The following DYNC1I1 variants were observed in gnomAD, a reference collection of about 807,000 sequenced individuals.
DYNC1I1 encodes the protein dynein cytoplasmic 1 intermediate chain 1.
A neutral mutation model predicts 86.6 loss-of-function variants in DYNC1I1; 43 were observed. The observed-to-expected ratio is 0.50, with a 90% confidence interval of 0.39 to 0.64. DYNC1I1 has a LOEUF of 0.64. DYNC1I1 is among the 30% of genes least tolerant of loss of function. DYNC1I1 has a pLI of 0.00. For missense variants in DYNC1I1, 604 were observed against 788.8 expected (o/e 0.77, Z 2.81); for synonymous variants, 262 against 283.7 (o/e 0.92, Z 0.77).
Position 95,936,786 on chromosome 7 carries a change from T to C in DYNC1I1, c.491-40726T>C, listed in dbSNP as rs138907918. 5.6e-3 allele frequency among the ~76,000 whole-genome samples: 853 copies of C among 151,986 alleles called. 16 individuals carry two copies. The highest frequency in any genetic ancestry group is 0.02 in the African/African-American group (826 of 41,502). ...AATGTGAATGTCTACTAAAAGGGAA[T>C]GTCATTTTTTAAAGTGTGTATGGAA... On this transcript the variant is annotated intron_variant, in intron 6 of 16. Transcript: ENST00000447467.
At chr7:95,861,061 C>G (rs1339047619) in intron 5 of DYNC1I1, among the ~76,000 whole-genome samples, 1 of 152,110 alleles carries the variant, frequency 6.6e-6, no homozygotes, top group Non-Finnish European at 1.5e-5. Context: ...CATTCCTGCT[C>G]TAGAAACTGC....
intron 5 of DYNC1I1, among the ~76,000 whole-genome samples, chr7:95,835,943 C>T (rs1246780660): frequency 6.6e-6 from 1 of 152,152 alleles, no homozygotes; most frequent in Non-Finnish European, 1.5e-5. Context: ...CAGTCTGTAT[C>T]TTTTAATTGG....
intron 5 of DYNC1I1, among the ~76,000 whole-genome samples, chr7:95,868,019 G>T (rs1391876023): frequency 1.3e-5 from 2 of 152,138 alleles, no homozygotes; most frequent in East Asian, 1.9e-4. Context: ...CCCTCATTTG[G>T]TGATTTTGTT....
chr7:96,075,661 G>T (rs972463810), intron 14 of DYNC1I1, among the ~76,000 whole-genome samples: 2 of 152,180 alleles, frequency 1.3e-5, no homozygotes, highest in Admixed American at 6.5e-5. Flanking sequence ...CGGGACCGCC[G>T]GGGCTTCAGA....
At chr7:95,896,584 G>A (rs774426056) in intron 6 of DYNC1I1, among the ~76,000 whole-genome samples, 12 of 152,152 alleles carry the variant, frequency 7.9e-5, no homozygotes, top group Admixed American at 7.2e-4. Context: ...TAAACATTTA[G>A]AATTGGTTTC....
At chr7:96,086,764 TG>T (rs1272987557) in intron 16 of DYNC1I1, among the ~76,000 whole-genome samples, 1 of 152,188 alleles carries the variant, frequency 6.6e-6, no homozygotes, top group African/African-American at 2.4e-5. Flanking sequence ...AAGTAAAACA[TG>T]ATTTTAAATG....
At chr7:95,937,214 G>A (rs1004539599) in intron 6 of DYNC1I1, among the ~76,000 whole-genome samples, 7 of 152,092 alleles carry the variant, frequency 4.6e-5, no homozygotes, top group East Asian at 3.9e-4. Context: ...TTTCAGTTAC[G>A]TAGGGTGGAT....
chr7:95,939,745 T>G (rs1792150329), intron 6 of DYNC1I1, among the ~76,000 whole-genome samples: 1 of 151,962 alleles, frequency 6.6e-6, no homozygotes, highest in African/African-American at 2.4e-5. Context: ...TCTTGACTCT[T>G]TATCCAATTT....
At chr7:96,013,198 G>C (rs914844483) in intron 10 of DYNC1I1, among the ~76,000 whole-genome samples, 1 of 152,116 alleles carries the variant, frequency 6.6e-6, no homozygotes, top group Non-Finnish European at 1.5e-5. Context: ...GATGGAAGCA[G>C]AATCAGAAGG....
chr7:95,975,698 G>T (rs1340748823), intron 6 of DYNC1I1, among the ~76,000 whole-genome samples: 5 of 152,154 alleles, frequency 3.3e-5, no homozygotes, highest in African/African-American at 1.2e-4. Flanking sequence ...TATCACCTTT[G>T]TTTTTTGTTG....
chr7:96,049,963 G>A (rs1192334906), intron 14 of DYNC1I1, among the ~76,000 whole-genome samples: 4 of 151,302 alleles, frequency 2.6e-5, no homozygotes, highest in Non-Finnish European at 4.4e-5. Flanking sequence ...AACCTGGAGG[G>A]CACAGGTTGC....
At chr7:95,817,663 C>A (rs566564070) in intron 4 of DYNC1I1, among the ~76,000 whole-genome samples, 2 of 152,110 alleles carry the variant, frequency 1.3e-5, no homozygotes, top group Admixed American at 6.5e-5. Flanking sequence ...TCTTTATCCA[C>A]GTAATTACAT....
chr7:95,877,852 G>A (rs1247833173), intron 6 of DYNC1I1, among the ~76,000 whole-genome samples: 3 of 152,170 alleles, frequency 2.0e-5, no homozygotes, highest in African/African-American at 7.2e-5. Context: ...AACAATTATG[G>A]AACTCAATGG....
chr7:96,035,680 C>T lies in DYNC1I1; in HGVS notation c.1292C>T (p.Pro431Leu), dbSNP rs1367770806. 1.2e-6 allele frequency: 2 copies of T among 1,611,572 alleles called. No homozygotes were observed. Among genetic ancestry groups the T allele is most frequent in the Non-Finnish European group, 1.7e-6 (2 of 1,178,968 alleles). ...KPVAVTGMAFPTGDVNNFVVG... is the reference protein window; with the variant it reads ...KPVAVTGMAFLTGDVNNFVVG... Reference sequence around the variant, plus strand: ...GTCGCTGTTACCGGAATGGCTTTCCCAACGGGAGACGTCAATAACTTCGTG... The same window carrying T: ...GTCGCTGTTACCGGAATGGCTTTCCTAACGGGAGACGTCAATAACTTCGTG... Residue 431 changes from proline (P) to leucine (L), a missense_variant, in exon 13 of 17, where the codon CCA becomes CTA. Coordinates refer to ENST00000447467, the MANE Select transcript of DYNC1I1 (RefSeq NM_001135556.2).
intron 10 of DYNC1I1, among the ~76,000 whole-genome samples, chr7:96,012,742 A>G (rs973687595): frequency 6.6e-6 from 1 of 152,144 alleles, no homozygotes; most frequent in African/African-American, 2.4e-5. Flanking sequence ...CAAAATATTT[A>G]CAAGTTTATC....
chr7:95,874,601 G>A (rs1042635537), intron 6 of DYNC1I1, among the ~76,000 whole-genome samples: 1 of 152,000 alleles, frequency 6.6e-6, no homozygotes, highest in African/African-American at 2.4e-5. Flanking sequence ...GTTAAATGAA[G>A]TCATAAGGGT....
chr7:96,047,642 G>A (rs1172121465), intron 14 of DYNC1I1, among the ~76,000 whole-genome samples: 1 of 152,160 alleles, frequency 6.6e-6, no homozygotes, highest in Non-Finnish European at 1.5e-5. Flanking sequence ...AGAAAATATA[G>A]ACTAGTCTTT....
At chr7:95,875,076 T>C (rs1790273818) in intron 6 of DYNC1I1, among the ~76,000 whole-genome samples, 1 of 152,204 alleles carries the variant, frequency 6.6e-6, no homozygotes. Flanking sequence ...TAGCCAGGAC[T>C]AGGTTACATG....
At chr7:95,881,649 G>A (rs1366969004) in intron 6 of DYNC1I1, among the ~76,000 whole-genome samples, 4 of 152,184 alleles carry the variant, frequency 2.6e-5, no homozygotes, top group Non-Finnish European at 4.4e-5. Context: ...CACCATGAGG[G>A]TGGCATACTG....
Sources: allele counts gnomAD v4.1 joint callset (sites outside exome capture counted in the v4.1 genomes callset), GRCh38; gene constraint gnomAD v4.1.1; transcripts MANE v1.5; gene names NCBI Gene and HGNC (gene_info 2026-07-23, HGNC 2026-07-21).